NKAIN2: variants seen among roughly 807,000 people sequenced by gnomAD.
The protein encoded by NKAIN2 is sodium/potassium transporting ATPase interacting 2.
A neutral mutation model predicts 32.6 loss-of-function variants in NKAIN2; 14 were observed. The observed-to-expected ratio is 0.43, with a 90% CI of 0.28 to 0.67. The LOEUF is 0.67. Ranked by LOEUF, NKAIN2 falls within the 30% of genes least tolerant of loss-of-function variation. NKAIN2 has a pLI of 0.17. For missense variants in NKAIN2, 198 were observed against 258.3 expected, an observed-to-expected ratio of 0.77 and a Z score of 1.60; for synonymous variants, 80 against 87.2, an observed-to-expected ratio of 0.92 and a Z score of 0.46.
rs191150441 is a variant in NKAIN2 at position 124,764,561 on chromosome 6, C to T, written c.475-26778C>T. ...GATAAAAATGGTTAAGAATCCACAA[C>T]TTAGAAGGAGTCTATAGTATTACTC... On this transcript the variant is annotated intron_variant, in intron 4 of 6. Coordinates refer to ENST00000368417, the MANE Select transcript of NKAIN2 (RefSeq NM_001040214.3). Among the ~76,000 whole-genome samples, 3 of 152,248 alleles carry T rather than the reference C, an allele frequency of 2.0e-5. No homozygotes were observed. The East Asian group carries it at 5.8e-4, about 29-fold the overall frequency.
chr6:123,916,371 G>A (rs1775496951), intron 1 of NKAIN2, among the ~76,000 whole-genome samples: 1 of 152,082 alleles, frequency 6.6e-6, no homozygotes, highest in Non-Finnish European at 1.5e-5. Context: ...TCCTGCCTCA[G>A]CCTCCCAAGT....
At chr6:124,057,104 T>A (rs1048195918) in intron 1 of NKAIN2, among the ~76,000 whole-genome samples, 18 of 152,100 alleles carry the variant, frequency 1.2e-4, no homozygotes, top group Non-Finnish European at 2.4e-4. Flanking sequence ...AAAGGTTGAA[T>A]CCATTAACCC....
intron 3 of NKAIN2, among the ~76,000 whole-genome samples, chr6:124,635,241 TC>T (rs905918356): frequency 9.2e-5 from 14 of 152,096 alleles, no homozygotes; most frequent in Non-Finnish European, 1.2e-4. Context: ...TTAAGGGAGT[TC>T]TTTATCTTAA....
chr6:124,039,187 G>T (rs578256126), intron 1 of NKAIN2, among the ~76,000 whole-genome samples: 6 of 151,924 alleles, frequency 3.9e-5, no homozygotes, highest in South Asian at 2.1e-4. Flanking sequence ...TTAAAAATAA[G>T]AAGAAGAAAT....
At chr6:124,012,169 C>T (rs1316359764) in intron 1 of NKAIN2, among the ~76,000 whole-genome samples, 1 of 151,836 alleles carries the variant, frequency 6.6e-6, no homozygotes, top group Non-Finnish European at 1.5e-5. Context: ...ACCCATCACC[C>T]CCAAATTTAT....
intron 1 of NKAIN2, among the ~76,000 whole-genome samples, chr6:124,177,524 C>G (rs560929942): frequency 6.6e-6 from 1 of 152,248 alleles, no homozygotes; most frequent in South Asian, 2.1e-4. Flanking sequence ...CATTATTACA[C>G]TTATCCTGGG....
intron 1 of NKAIN2, among the ~76,000 whole-genome samples, chr6:124,211,889 G>A (rs1253256834): frequency 6.6e-6 from 1 of 151,942 alleles, no homozygotes; most frequent in Middle Eastern, 3.2e-3. Context: ...AATAATGATT[G>A]GATATATTCA....
rs182849042 is a variant in NKAIN2, at chr6:124,766,039, C to T, written c.475-25300C>T. Among the ~76,000 whole-genome samples the T allele has an allele frequency of 6.8e-4, 104 of 152,308 alleles. 1 individual carries two copies. Among genetic ancestry groups the T allele is most frequent in the African/African-American group, 2.3e-3 (96 of 41,578 alleles). Reference sequence around the variant, plus strand: ...TTTTCATGTTTTGCATTCTACACTTCTCCTTGGCTTTTGCTTTCCCCATCA... The same window carrying T: ...TTTTCATGTTTTGCATTCTACACTTTTCCTTGGCTTTTGCTTTCCCCATCA... On this transcript the variant is annotated intron_variant, in intron 4 of 6. Coordinates refer to ENST00000368417, the MANE Select transcript of NKAIN2 (RefSeq NM_001040214.3).
intron 1 of NKAIN2, among the ~76,000 whole-genome samples, chr6:123,891,183 CTG>C (rs1773998345): frequency 6.6e-6 from 1 of 152,048 alleles, no homozygotes; most frequent in Non-Finnish European, 1.5e-5. Context: ...TTACCAGAGA[CTG>C]TGGGGTTGGG....
In NKAIN2 at chr6:124,621,061, T is replaced by G. The variant is rs754515882; in HGVS notation, c.274-37125T>G. Reference sequence around the variant, plus strand: ...GCTTTGGCTGCACATTGGAATCACCTGGGGACCTTTAAGAACGTAGCGAGG... The same window carrying G: ...GCTTTGGCTGCACATTGGAATCACCGGGGGACCTTTAAGAACGTAGCGAGG... On this transcript the variant is annotated intron_variant, in intron 3 of 6. Transcript: ENST00000368417. 7.9e-5 allele frequency among the ~76,000 whole-genome samples: 12 copies of G among 152,330 alleles called. No homozygotes were observed. In the South Asian group the frequency reaches 2.3e-3, roughly 29 times the overall value.
chr6:123,825,406 G>T (rs1267519089), intron 1 of NKAIN2, among the ~76,000 whole-genome samples: 1 of 152,088 alleles, frequency 6.6e-6, no homozygotes, highest in African/African-American at 2.4e-5. Flanking sequence ...TAATTGATAA[G>T]TTTTATTGAA....
intron 1 of NKAIN2, among the ~76,000 whole-genome samples, chr6:123,854,496 A>G (rs1429978074): frequency 2.0e-5 from 3 of 152,204 alleles, no homozygotes; most frequent in Non-Finnish European, 4.4e-5. Flanking sequence ...TATTATGGGT[A>G]TTAAAACATT....
At chr6:124,105,148 G>T (rs553665967) in intron 1 of NKAIN2, among the ~76,000 whole-genome samples, 1 of 152,296 alleles carries the variant, frequency 6.6e-6, no homozygotes, top group South Asian at 2.1e-4. Context: ...AACCAGGCAG[G>T]TATAAATATT....
chr6:124,503,489 T>G (rs2114754135), intron 3 of NKAIN2, among the ~76,000 whole-genome samples: 1 of 152,276 alleles, frequency 6.6e-6, no homozygotes, highest in East Asian at 1.9e-4. Context: ...TATTGAGTCA[T>G]GCAAGACCTT....
At chr6:123,982,784 G>A (rs115391974) in intron 1 of NKAIN2, among the ~76,000 whole-genome samples, 2,258 of 152,186 alleles carry the variant, frequency 0.015, 51 homozygotes, top group African/African-American at 0.052. Flanking sequence ...GGTGGCAAAA[G>A]ACAAGTTAAA....
intron 3 of NKAIN2, among the ~76,000 whole-genome samples, chr6:124,612,268 A>C (rs866140375): frequency 6.6e-5 from 10 of 152,142 alleles, no homozygotes; most frequent in Admixed American, 2.0e-4. Flanking sequence ...AAAAACTGCT[A>C]GGGGGAAAAA....
chr6:124,048,439 G>A lies in NKAIN2; in HGVS notation c.55-234566G>A, dbSNP rs572859296. 3.5e-4 allele frequency among the ~76,000 whole-genome samples: 54 copies of A among 152,170 alleles called. 1 individual carries two copies. The South Asian group carries it at 0.011, about 32-fold the overall frequency. On this transcript the variant is annotated intron_variant, in intron 1 of 6. Transcript: ENST00000368417. Reference sequence around the variant, plus strand: ...GAGAGCCCTGGAGATCACATGCTTTGTGTGTGCACAATTAAGCAGGATTTT... The same window carrying A: ...GAGAGCCCTGGAGATCACATGCTTTATGTGTGCACAATTAAGCAGGATTTT...
chr6:124,744,995 C>T (rs993883863), intron 4 of NKAIN2, among the ~76,000 whole-genome samples: 2 of 151,828 alleles, frequency 1.3e-5, no homozygotes, highest in Non-Finnish European at 2.9e-5. Context: ...TTCCATCAAG[C>T]CCATAAAACG....
At chr6:124,441,781 TA>T (rs1435007194) in intron 3 of NKAIN2, among the ~76,000 whole-genome samples, 1 of 152,026 alleles carries the variant, frequency 6.6e-6, no homozygotes, top group Non-Finnish European at 1.5e-5. Context: ...CAGCGATAAA[TA>T]AACAAAACAT....
Sources: allele counts gnomAD v4.1 joint callset (sites outside exome capture counted in the v4.1 genomes callset), GRCh38; gene constraint gnomAD v4.1.1; transcripts MANE v1.5; gene names NCBI Gene and HGNC (gene_info 2026-07-23, HGNC 2026-07-21).